The following OSBPL10 variants were observed in gnomAD, a reference collection of about 807,000 sequenced individuals.
OSBPL10 encodes oxysterol-binding protein-related protein 10.
In OSBPL10, 49 loss-of-function variants were observed where a neutral mutation model predicts 81.7. That is an observed-to-expected ratio of 0.60 (90% confidence interval 0.48 to 0.76). The LOEUF (loss-of-function observed/expected upper bound fraction) is 0.76. Ranked by LOEUF, OSBPL10 falls within the 30% of genes least tolerant of loss-of-function variation. The pLI, the probability that OSBPL10 is intolerant of heterozygous loss-of-function variation, is 0.00. For missense variants in OSBPL10, 923 were observed against 987.8 expected (o/e 0.93, Z 0.88); for synonymous variants, 419 against 383.6 (o/e 1.09, Z -1.08).
chr3:32,024,253 C>G (rs996164887), intron 2 of OSBPL10, among the ~76,000 whole-genome samples: 4 of 152,104 alleles, frequency 2.6e-5, no homozygotes, highest in African/African-American at 9.7e-5. Flanking sequence ...AAATAGCCTG[C>G]TTGGGATTTT....
intron 1 of OSBPL10, among the ~76,000 whole-genome samples, chr3:31,925,173 T>C (rs889707066): frequency 6.6e-6 from 1 of 152,042 alleles, no homozygotes; most frequent in African/African-American, 2.4e-5. Context: ...GACTGGAACT[T>C]CTCAAGGGCC....
intron 4 of OSBPL10, among the ~76,000 whole-genome samples, chr3:31,829,834 T>A (rs1327918598): frequency 1.3e-5 from 2 of 152,226 alleles, no homozygotes; most frequent in African/African-American, 4.8e-5. Flanking sequence ...CAGAGTAGTC[T>A]CCTAACAATT....
intron 1 of OSBPL10, among the ~76,000 whole-genome samples, chr3:31,968,250 G>A (rs1240019660): frequency 1.5e-5 from 2 of 136,044 alleles, no homozygotes; most frequent in African/African-American, 6.2e-5. Context: ...TGTCAATCAT[G>A]TCATTTATAG....
chr3:31,966,691 C>T (rs1018470185), intron 1 of OSBPL10, among the ~76,000 whole-genome samples: 2 of 150,922 alleles, frequency 1.3e-5, no homozygotes, highest in African/African-American at 5.0e-5. Context: ...TGGATCACTT[C>T]TTTAAAAAGC....
intron 3 of OSBPL10, among the ~76,000 whole-genome samples, chr3:31,859,409 G>A (rs1002898805): frequency 1.1e-4 from 17 of 152,168 alleles, no homozygotes; most frequent in African/African-American, 3.9e-4. Context: ...CTCTTCATCT[G>A]TATCCTTTGC....
At chr3:31,753,229 C>T (rs1385382985) in intron 4 of OSBPL10, among the ~76,000 whole-genome samples, 2 of 149,784 alleles carry the variant, frequency 1.3e-5, no homozygotes, top group African/African-American at 4.9e-5. Context: ...TCTTTATTGA[C>T]CAGGCTGGAG....
intron 2 of OSBPL10, among the ~76,000 whole-genome samples, chr3:32,032,276 A>C (rs1449400845): frequency 6.6e-6 from 1 of 152,096 alleles, no homozygotes; most frequent in Admixed American, 6.5e-5. Context: ...AAAATTAGGC[A>C]TGATGGGGGG....
At chr3:31,957,132 C>T (rs1698032071) in intron 1 of OSBPL10, among the ~76,000 whole-genome samples, 2 of 152,112 alleles carry the variant, frequency 1.3e-5, no homozygotes, top group South Asian at 4.2e-4. Flanking sequence ...GAGGCCCTGT[C>T]TCAAAAAATA....
chr3:31,843,377 T>C (rs1559488568), intron 3 of OSBPL10, among the ~76,000 whole-genome samples: 1 of 152,192 alleles, frequency 6.6e-6, no homozygotes, highest in Non-Finnish European at 1.5e-5. Context: ...GGGATTTGGC[T>C]TAAATTGCCC....
chr3:31,701,964 T>C (rs563946432), intron 7 of OSBPL10: 163 of 167,796 alleles, frequency 9.7e-4, no homozygotes, highest in African/African-American at 3.6e-3. Flanking sequence ...ACCATTTCCC[T>C]TCCCCATCTT....
intron 1 of OSBPL10, among the ~76,000 whole-genome samples, chr3:31,977,613 T>C (rs1230021381): frequency 6.6e-6 from 1 of 152,210 alleles, no homozygotes; most frequent in Non-Finnish European, 1.5e-5. Context: ...ACAATGTGAA[T>C]AGCAGTAAAA....
At chr3:32,038,333 T>C (rs1559553330) in intron 2 of OSBPL10, among the ~76,000 whole-genome samples, 1 of 152,222 alleles carries the variant, frequency 6.6e-6, no homozygotes, top group Admixed American at 6.5e-5. Flanking sequence ...ATTTTTCCTT[T>C]TTTTTCTTTT....
chr3:31,917,579 T>C (rs1696795091), intron 1 of OSBPL10, among the ~76,000 whole-genome samples: 1 of 150,952 alleles, frequency 6.6e-6, no homozygotes, highest in South Asian at 2.1e-4. Context: ...TCTCTGAACC[T>C]ATTCTGGTTC....
rs751741775 is a variant in OSBPL10, at chr3:31,879,771, T to C, written c.341A>G (p.Lys114Arg). ...CAGGACTCCTCGAGGCTTCTGGTGTTTGCTTTGCTCATTCACAAAATACTG... is the reference window on the plus strand; with the variant it reads ...CAGGACTCCTCGAGGCTTCTGGTGTCTGCTTTGCTCATTCACAAAATACTG... Reference protein sequence around the residue: ...ILQYFVNEQSKHQKPRGVLSL... With the variant: ...ILQYFVNEQSRHQKPRGVLSL... Residue 114 changes from lysine (K) to arginine (R), a missense_variant, in exon 2 of 12, where the codon AAA becomes AGA. Coordinates refer to ENST00000396556, the MANE Select transcript of OSBPL10 (RefSeq NM_017784.5). The C allele has an allele frequency of 6.2e-7, 1 of 1,614,218 alleles. No individual in the cohort carries two copies. The highest frequency in any genetic ancestry group is 1.1e-5 in the South Asian group (1 of 91,082).
chr3:32,001,370 A>G (rs1699143041), intron 2 of OSBPL10, among the ~76,000 whole-genome samples: 1 of 152,198 alleles, frequency 6.6e-6, no homozygotes, highest in Non-Finnish European at 1.5e-5. Context: ...GTCTATCAAT[A>G]AAATAATAAT....
At chr3:31,719,711 CA>C (rs954646102) in intron 6 of OSBPL10, among the ~76,000 whole-genome samples, 1 of 151,928 alleles carries the variant, frequency 6.6e-6, no homozygotes, top group Non-Finnish European at 1.5e-5. Context: ...CCTTAAATTC[CA>C]CTGCCGGAAA....
chr3:31,897,921 T>C (rs1219718778), intron 1 of OSBPL10, among the ~76,000 whole-genome samples: 1 of 147,698 alleles, frequency 6.8e-6, no homozygotes, highest in African/African-American at 2.5e-5. Flanking sequence ...GGCAGGAGAA[T>C]TGCTTGAACC....
chr3:31,964,927 A>G (rs1350100848), intron 1 of OSBPL10, among the ~76,000 whole-genome samples: 1 of 152,200 alleles, frequency 6.6e-6, no homozygotes, highest in African/African-American at 2.4e-5. Context: ...AAAATTATCA[A>G]ATAAAAATTT....
intron 1 of OSBPL10, among the ~76,000 whole-genome samples, chr3:31,968,830 A>C (rs1402298321): frequency 6.6e-6 from 1 of 152,236 alleles, no homozygotes; most frequent in African/African-American, 2.4e-5. Context: ...TCAGCTGCAG[A>C]CTTCTCATAA....
Sources: gnomAD v4.1 joint callset for allele counts (sites outside exome capture counted in the v4.1 genomes callset) on GRCh38, gnomAD v4.1.1 for gene constraint, MANE v1.5 for transcripts, NCBI Gene and HGNC (gene_info 2026-07-23, HGNC 2026-07-21) for gene names.